PAPLN: variants seen among roughly 807,000 people sequenced by gnomAD.
The protein encoded by PAPLN is papilin.
PAPLN carries 146 observed loss-of-function variants against 159.0 expected under a neutral mutation model. The ratio of observed to expected loss-of-function variants is 0.92; its 90% CI spans 0.80 to 1.05. The LOEUF is 1.05. Ranked by LOEUF, PAPLN falls within the 50% of genes least tolerant of loss-of-function variation. The pLI is 0.00. For missense variants in PAPLN, 1,720 were observed against 1,743.9 expected, an observed-to-expected ratio of 0.99 and a Z score of 0.24; for synonymous variants, 734 against 702.9, an observed-to-expected ratio of 1.04 and a Z score of -0.70.
intron 12 of PAPLN, 40 bp from the exon 13 acceptor site, chr14:73,254,473 G>T (rs1187316031): frequency 1.9e-6 from 3 of 1,605,152 alleles, no homozygotes; most frequent in Non-Finnish European, 2.6e-6. Context: ...TGGCTCCTGG[G>T]GGCAAGGCCG....
Position 73,245,690 on chromosome 14 carries a change from C to G in PAPLN, c.225C>G (p.Arg75=), listed in dbSNP as rs1398828137. The change falls in exon 4 of 27, where the codon CGC becomes CGG. Residue 75 remains arginine (R), a synonymous_variant. Coordinates refer to ENST00000644200, the MANE Select transcript of PAPLN (RefSeq NM_001365906.3). This position sits in a 1 kb window ranked among gnomAD's most constrained non-coding sequence, Gnocchi z 4.2. ...VGPARSHRSC[R]TESCPDGARD... ...CCGCCCGGAGCCACCGCTCTTGTCG[C>G]ACGGAGGTAAAGCTCACGGGGCGCG... is the stretch of plus-strand genomic sequence containing the variant. 1 of 1,550,370 alleles carries G rather than the reference C, an allele frequency of 6.5e-7. No individual in the cohort carries two copies. The highest frequency in any genetic ancestry group is 2.4e-5 in the East Asian group (1 of 41,680).
rs775459866 is a variant in PAPLN at position 73,262,726 on chromosome 14, C to A, written c.2622C>A (p.Ala874=). The change falls in exon 19 of 27, where the codon GCC becomes GCA. Residue 874 remains alanine (A), a synonymous_variant. Transcript: ENST00000644200. ...PGPGEAPHTQ[A]FGEWPWGQEL... ...CAGGGGAGGCCCCCCACACCCAGGCCTTTGGAGAATGGCCATGGGGGCAGG... is the reference window on the plus strand; with the variant it reads ...CAGGGGAGGCCCCCCACACCCAGGCATTTGGAGAATGGCCATGGGGGCAGG... 10 of 1,511,954 alleles carry A rather than the reference C, an allele frequency of 6.6e-6. No homozygotes were observed. The Middle Eastern group carries it at 8.6e-4, about 130-fold the overall frequency. The allele number at this position is 1,511,954 out of a possible 1,614,324, so 93.7% of individuals were successfully genotyped here.
chr14:73,248,326 T>A (rs925779379), intron 5 of PAPLN, among the ~76,000 whole-genome samples: 9 of 152,008 alleles, frequency 5.9e-5, no homozygotes, highest in Non-Finnish European at 8.8e-5. Flanking sequence ...GCTTTCAGAA[T>A]TCCCCCTGGA....
At chr14:73,253,467 G>A (rs1466525781) in intron 11 of PAPLN, among the ~76,000 whole-genome samples, 1 of 151,832 alleles carries the variant, frequency 6.6e-6, no homozygotes, top group African/African-American at 2.4e-5. Flanking sequence ...GAGTCTGACT[G>A]GGAGACAGGG....
chr14:73,239,789 T>A lies in PAPLN; in HGVS notation c.11T>A (p.Leu4His). MRL[L>H]LLVPLLLAPA... ...CTCCCGCAGGCTGAGATGCGGCTGC[T>A]CCTGCTCGTGCCGCTGCTGCTGGCT... is the stretch of plus-strand genomic sequence containing the variant. The change falls in exon 2 of 27, where the codon CTC becomes CAC. Residue 4 changes from leucine (L) to histidine (H), a missense_variant. Coordinates refer to ENST00000644200, the MANE Select transcript of PAPLN (RefSeq NM_001365906.3). 1.3e-6 allele frequency: 2 copies of A among 1,593,936 alleles called. No homozygotes were observed. Among genetic ancestry groups the A allele is most frequent in the Non-Finnish European group, 8.5e-7 (1 of 1,176,302 alleles).
In PAPLN at chr14:73,251,827, G is replaced by C. The variant is rs201663155; in HGVS notation, c.834G>C (p.Leu278=). The C allele has an allele frequency of 5.3e-4, 847 of 1,594,660 alleles. 5 individuals carry two copies. Among genetic ancestry groups the C allele is most frequent in the Middle Eastern group, 5.0e-4 (3 of 5,942 alleles). ...CCCGGGGCCCCACCTCGGAGCCCCT[G>C]GTCATCGAGGTAAATGGGGGTGTGG... ...LHARGPTSEP[L]VIELISQEPN... The change falls in exon 9 of 27, where the codon CTG becomes CTC. Residue 278 remains leucine, a synonymous_variant. Transcript: ENST00000644200.
chr14:73,240,472 T>C (rs919848380), intron 2 of PAPLN, among the ~76,000 whole-genome samples: 1 of 152,096 alleles, frequency 6.6e-6, no homozygotes, highest in African/African-American at 2.4e-5. Flanking sequence ...AGACAGAGTC[T>C]CACTCTGTCA....
chr14:73,256,769 G>A (rs1347249954), intron 14 of PAPLN, among the ~76,000 whole-genome samples: 1 of 152,046 alleles, frequency 6.6e-6, no homozygotes, highest in Non-Finnish European at 1.5e-5. Flanking sequence ...TGTAATCCCA[G>A]CTACTCAGGA....
In PAPLN at chr14:73,264,651, C is replaced by G; in HGVS notation, c.3050C>G (p.Ala1017Gly). 1.2e-6 allele frequency: 2 copies of G among 1,607,962 alleles called. No homozygotes were observed. Among genetic ancestry groups the G allele is most frequent in the Non-Finnish European group, 1.7e-6 (2 of 1,178,508 alleles). The change falls in exon 22 of 27, where the codon GCT (alanine) becomes GGT (glycine). Residue 1017 changes from alanine (A) to glycine (G), a missense_variant. Ala to Gly is a moderately conservative substitution (Grantham distance 60, BLOSUM62 0). Coordinates refer to ENST00000644200, the MANE Select transcript of PAPLN (RefSeq NM_001365906.3). ...CGCTTCCCTCAGCCCAGGGACCCAG[C>G]TCAGGACTTTGGCCAAGCGGGGGCT... ...LSRFPQPRDP[A>G]QDFGQAGAAG...
Position 73,262,772 on chromosome 14 carries a change from G to T in PAPLN, c.2668G>T (p.Gly890Ter). 1 of 1,507,026 alleles carries T rather than the reference G, an allele frequency of 6.6e-7. No homozygotes were observed. Among genetic ancestry groups the T allele is most frequent in the South Asian group, 1.4e-5 (1 of 71,794 alleles). The allele number at this position is 1,507,026 out of a possible 1,614,324, so 93.4% of individuals were successfully genotyped here. A position where few individuals can be genotyped will look rare whatever the true frequency, so the allele number is the denominator to read the frequency against. Residue 890 changes from glycine (G) to a stop codon, truncating the protein, a stop_gained, in exon 19 of 27, where the codon GGA (glycine) becomes TGA (stop). Transcript: ENST00000644200. LOFTEE classifies it high-confidence loss of function. The stretch of plus-strand genomic sequence containing the variant: ...GCAGGAGCTTGGGTCCAGGGCCCCT[G>T]GACTGGGTGGAGATGCCGGATCACC... Reference protein sequence around the residue: ...WGQELGSRAPGLGGDAGSPAP... With the variant: ...WGQELGSRAP
In PAPLN at chr14:73,274,255, T is replaced by G. The variant is rs1348997969; in HGVS notation, c.*1591T>G. ...TTCTTCATCTCTCAGGACTTCTAAT[T>G]CCTTGATGCTAAAAGAAGAGGCATG... On this transcript the variant is annotated 3_prime_UTR_variant, in exon 27 of 27. Coordinates refer to ENST00000644200, the MANE Select transcript of PAPLN (RefSeq NM_001365906.3). 1.3e-5 allele frequency: 2 copies of G among 152,230 alleles called. No homozygotes were observed. The highest frequency in any genetic ancestry group is 2.9e-5 in the Non-Finnish European group (2 of 68,050). 9.4% of individuals were successfully genotyped at this position (152,230 alleles called of 1,614,324 possible). A position where few individuals can be genotyped will look rare whatever the true frequency, so the allele number is the denominator to read the frequency against.
chr14:73,260,594 C>A, intron 16 of PAPLN, 115 bp from the exon 17 acceptor site: 4 of 1,310,214 alleles, frequency 3.1e-6, no homozygotes, highest in Non-Finnish European at 3.9e-6. Context: ...GTCCTCTCCC[C>A]CCCAGGTCCC....
In PAPLN at chr14:73,265,458, C is replaced by A. The variant is rs1887124739; in HGVS notation, c.3214C>A (p.Pro1072Thr). Residue 1072 changes from proline to threonine, a missense_variant, in exon 23 of 27, where the codon CCC becomes ACC. Transcript: ENST00000644200. This position sits in a 1 kb window ranked among gnomAD's most constrained non-coding sequence, Gnocchi z 4.1. ...GACCTGCCGTGCCGAAGGCTTCCCG[C>A]CCCCAGCCATCGAGTGGCAGAGAGA... ...RMTCRAEGFP[P>T]PAIEWQRDGQ... 1 of 1,613,610 alleles carries A rather than the reference C, an allele frequency of 6.2e-7. No homozygotes were observed. Among genetic ancestry groups the A allele is most frequent in the African/African-American group, 1.3e-5 (1 of 74,936 alleles).
Position 73,272,790 on chromosome 14 carries a change from T to C in PAPLN, c.*126T>C, listed in dbSNP as rs1887854846. ...TATCTTCTGGAATACATTAGCTCTT[T>C]CAAAAACCCACCCAGTGTTTAGCCT... On this transcript the variant is annotated 3_prime_UTR_variant, in exon 27 of 27. Transcript: ENST00000644200. 2.8e-6 allele frequency: 3 copies of C among 1,073,776 alleles called. No individual in the cohort carries two copies. The highest frequency in any genetic ancestry group is 3.7e-6 in the Non-Finnish European group (3 of 807,490). The allele number at this position is 1,073,776 out of a possible 1,614,324, so 66.5% of individuals were successfully genotyped here.
intron 26 of PAPLN, among the ~76,000 whole-genome samples, chr14:73,269,329 C>G (rs913799404): frequency 1.3e-5 from 2 of 151,564 alleles, no homozygotes; most frequent in African/African-American, 4.8e-5. Context: ...AATTACTATA[C>G]TTGTACCTAA....
chr14:73,252,279 T>A, intron 10 of PAPLN, 138 bp downstream of exon 10: 1 of 1,336,268 alleles, frequency 7.5e-7, no homozygotes, highest in Non-Finnish European at 9.9e-7. Flanking sequence ...ATCTCTGTGT[T>A]ATGGGGGTCG....
At chr14:73,244,508 TA>T in intron 2 of PAPLN, 135 bp from the exon 3 acceptor site, 1 of 704,356 alleles carries the variant, frequency 1.4e-6, no homozygotes, top group Non-Finnish European at 2.5e-6. Flanking sequence ...TGCTGAGTCC[TA>T]AAGGTGGGCC....
upstream of PAPLN, among the ~76,000 whole-genome samples, chr14:73,237,120 C>A (rs547257008): frequency 1.3e-5 from 2 of 152,114 alleles, no homozygotes; most frequent in African/African-American, 4.8e-5. Flanking sequence ...GCAGCGTGTG[C>A]GGAGAAACTC....
At chr14:73,247,313 T>C (rs1410639436) in intron 5 of PAPLN, among the ~76,000 whole-genome samples, 1 of 152,166 alleles carries the variant, frequency 6.6e-6, no homozygotes, top group Admixed American at 6.5e-5. Flanking sequence ...AGCACCAACA[T>C]GTATGTCATT....
Sources: allele counts gnomAD v4.1 joint callset (sites outside exome capture counted in the v4.1 genomes callset), GRCh38; gene constraint gnomAD v4.1.1; non-coding constraint Gnocchi (gnomAD v3.1); transcripts MANE v1.5; gene names NCBI Gene and HGNC (gene_info 2026-07-23, HGNC 2026-07-21).